PTPRD: variants seen among roughly 807,000 people sequenced by gnomAD.
The protein encoded by PTPRD is receptor-type tyrosine-protein phosphatase delta.
A neutral mutation model predicts 214.5 loss-of-function variants in PTPRD; 34 were observed. That is an observed-to-expected ratio of 0.16 (90% CI 0.12 to 0.21). The LOEUF (loss-of-function observed/expected upper bound fraction) is 0.21. PTPRD is among the 10% of genes least tolerant of loss of function. The pLI, the probability that PTPRD is intolerant of heterozygous loss-of-function variation, is 1.00. For synonymous variants in PTPRD, 1,128 were observed against 845.7 expected (o/e 1.33, Z -5.79); for missense variants, 2,545 against 2,398.7 (o/e 1.06, Z -1.27).
intron 4 of PTPRD, among the ~76,000 whole-genome samples, chr9:9,996,177 C>T (rs984612793): frequency 6.6e-6 from 1 of 152,038 alleles, no homozygotes; most frequent in Non-Finnish European, 1.5e-5. Flanking sequence ...AAATGAAGGA[C>T]TGATATCCTT....
intron 3 of PTPRD, among the ~76,000 whole-genome samples, chr9:10,302,157 A>G (rs2095880193): frequency 6.6e-6 from 1 of 152,180 alleles, no homozygotes; most frequent in Admixed American, 6.5e-5. Flanking sequence ...TTTCTTATCC[A>G]GCCAAACAAA....
intron 11 of PTPRD, among the ~76,000 whole-genome samples, chr9:8,751,670 T>G (rs1348103682): frequency 1.3e-5 from 2 of 152,222 alleles, no homozygotes; most frequent in Non-Finnish European, 2.9e-5. Context: ...ATCTTTTACA[T>G]TTCATCCCTT....
chr9:10,542,565 T>C (rs965544754), intron 2 of PTPRD, among the ~76,000 whole-genome samples: 3 of 152,156 alleles, frequency 2.0e-5, no homozygotes, highest in Non-Finnish European at 2.9e-5. Context: ...TTAATTGTTA[T>C]TATTTCACCT....
In PTPRD at chr9:10,246,746, G is replaced by A. The variant is rs76298446; in HGVS notation, c.-545+94217C>T. Among the ~76,000 whole-genome samples, 398 of 151,562 alleles carry A rather than the reference G, an allele frequency of 2.6e-3. 5 individuals are homozygous for A. Among genetic ancestry groups the A allele is most frequent in the African/African-American group, 9.2e-3 (380 of 41,282 alleles). ...TAATCCTTAAAGCAAAATTTCCAAA[G>A]CTTATGTATCTAGTAGTTGCATACC... On this transcript the variant is annotated intron_variant, in intron 3 of 45. Transcript: ENST00000381196.
intron 10 of PTPRD, among the ~76,000 whole-genome samples, chr9:9,032,860 G>C (rs553581367): frequency 2.6e-5 from 4 of 152,058 alleles, no homozygotes; most frequent in African/African-American, 9.7e-5. Flanking sequence ...AAACCTAGCT[G>C]GTTTGTACAA....
At chr9:9,414,806 C>T (rs10759067) in intron 8 of PTPRD, 1 of 151,982 alleles carries the variant, frequency 6.6e-6, no homozygotes, top group African/African-American at 2.4e-5. Flanking sequence ...GAGAATAAGA[C>T]AGGCATGCTC....
intron 8 of PTPRD, among the ~76,000 whole-genome samples, chr9:9,559,485 C>A (rs921110180): frequency 6.6e-6 from 1 of 152,228 alleles, no homozygotes; most frequent in East Asian, 1.9e-4. Context: ...TTAATAGGCA[C>A]CCCTGGTTAA....
chr9:9,847,179 T>G (rs1309053873), intron 5 of PTPRD, among the ~76,000 whole-genome samples: 1 of 152,106 alleles, frequency 6.6e-6, no homozygotes, highest in Non-Finnish European at 1.5e-5. Context: ...AAGCCCTGTT[T>G]TTCTTTGTCC....
intron 39 of PTPRD, among the ~76,000 whole-genome samples, chr9:8,354,185 T>C (rs905795103): frequency 2.0e-5 from 3 of 151,996 alleles, no homozygotes; most frequent in African/African-American, 7.2e-5. Flanking sequence ...TATTCTTTTT[T>C]TCACTTTTTC....
In PTPRD at chr9:8,503,477, A is replaced by G. The variant is rs769836797; in HGVS notation, c.1822+784T>C. On this transcript the variant is annotated intron_variant, in intron 23 of 45. Coordinates refer to ENST00000381196, the MANE Select transcript of PTPRD (RefSeq NM_002839.4). ...TATGAATGAACTGTAAACACATACT[A>G]ATAAAAAGCAATTAATAATAATAAG... 9.8e-5 allele frequency among the ~76,000 whole-genome samples: 15 copies of G among 152,304 alleles called. No homozygotes were observed. In the East Asian group the frequency reaches 2.9e-3, roughly 29 times the overall value.
chr9:10,493,428 C>T (rs941006850), intron 2 of PTPRD, among the ~76,000 whole-genome samples: 2 of 151,960 alleles, frequency 1.3e-5, no homozygotes, highest in Non-Finnish European at 2.9e-5. Flanking sequence ...AGAACAGAGG[C>T]CTCAGAAATA....
At chr9:8,740,935 T>C (rs1019440233) in intron 11 of PTPRD, among the ~76,000 whole-genome samples, 8 of 152,100 alleles carry the variant, frequency 5.3e-5, no homozygotes, top group African/African-American at 1.9e-4. Context: ...TTCCTATCAA[T>C]ATAGACACTT....
At chr9:9,436,266 T>C (rs961841052) in intron 8 of PTPRD, among the ~76,000 whole-genome samples, 1 of 152,116 alleles carries the variant, frequency 6.6e-6, no homozygotes, top group African/African-American at 2.4e-5. Flanking sequence ...ATTTAACTCA[T>C]CCTTCAATGG....
chr9:8,832,362 G>C (rs905354134), intron 11 of PTPRD, among the ~76,000 whole-genome samples: 1 of 131,436 alleles, frequency 7.6e-6, no homozygotes, highest in Non-Finnish European at 1.6e-5. Context: ...CATGAAAGCA[G>C]AAAAACAAAA....
At chr9:9,451,408 A>G (rs1303267496) in intron 8 of PTPRD, among the ~76,000 whole-genome samples, 1 of 151,792 alleles carries the variant, frequency 6.6e-6, no homozygotes, top group Non-Finnish European at 1.5e-5. Flanking sequence ...AATTCATGCA[A>G]TTTTGCAGTT....
At chr9:10,483,675 C>T (rs1256982203) in intron 2 of PTPRD, among the ~76,000 whole-genome samples, 1 of 151,878 alleles carries the variant, frequency 6.6e-6, no homozygotes, top group African/African-American at 2.4e-5. Context: ...GAAAAAAAAG[C>T]ACTCAATGTC....
chr9:9,852,026 C>A (rs73641381), intron 5 of PTPRD, among the ~76,000 whole-genome samples: 1 of 151,958 alleles, frequency 6.6e-6, no homozygotes. Context: ...TCCTGAAGTA[C>A]AGAATATAGT....
chr9:9,709,388 C>A (rs181585435), intron 7 of PTPRD, among the ~76,000 whole-genome samples: 168 of 152,056 alleles, frequency 1.1e-3, no homozygotes, highest in Non-Finnish European at 1.9e-3. Flanking sequence ...CATGTGCACT[C>A]TTTTGCTGTG....
chr9:8,688,986 C>T (rs2097751765), intron 12 of PTPRD, among the ~76,000 whole-genome samples: 1 of 152,086 alleles, frequency 6.6e-6, no homozygotes, highest in Non-Finnish European at 1.5e-5. Flanking sequence ...TAAATCAGGG[C>T]ATGAGAAACT....
Sources: gnomAD v4.1 joint callset for allele counts (sites outside exome capture counted in the v4.1 genomes callset) on GRCh38, gnomAD v4.1.1 for gene constraint, MANE v1.5 for transcripts, NCBI Gene and HGNC (gene_info 2026-07-23, HGNC 2026-07-21) for gene names.